Variants in RABGAP1L observed in about 807,000 individuals in gnomAD.
RABGAP1L encodes the protein RAB GTPase activating protein 1 like.
RABGAP1L carries 63 observed loss-of-function variants against 137.7 expected under a neutral mutation model. The observed-to-expected ratio is 0.46, with a 90% confidence interval of 0.37 to 0.56. RABGAP1L has a LOEUF of 0.56. Ranked by LOEUF, RABGAP1L falls within the 20% of genes least tolerant of loss-of-function variation. The pLI, the probability that RABGAP1L is intolerant of heterozygous loss-of-function variation, is 0.00. For missense variants in RABGAP1L, 1,095 were observed against 1,244.0 expected (o/e 0.88, Z 1.80); for synonymous variants, 431 against 433.7 (o/e 0.99, Z 0.08).
Position 174,958,439 on chromosome 1 carries a change from A to G in RABGAP1L, c.2433+890A>G, listed in dbSNP as rs559876696. Among the ~76,000 whole-genome samples, 3 of 152,352 alleles carry G rather than the reference A, an allele frequency of 2.0e-5. No homozygotes were observed. The South Asian group carries it at 6.2e-4, about 32-fold the overall frequency. On this transcript the variant is annotated intron_variant, in intron 20 of 25. Transcript: ENST00000681986. ...ATGCTTTAACTTTTCAGACTCACACAGATACGTAACAGCTCCTTCTCCCTC... is the reference window on the plus strand; with the variant it reads ...ATGCTTTAACTTTTCAGACTCACACGGATACGTAACAGCTCCTTCTCCCTC...
At chr1:174,598,620 C>T (rs1670167502) in intron 13 of RABGAP1L, among the ~76,000 whole-genome samples, 1 of 152,042 alleles carries the variant, frequency 6.6e-6, no homozygotes, top group Non-Finnish European at 1.5e-5. Context: ...AACTATTTAT[C>T]CTTTTGTCGA....
chr1:174,975,576 C>T (rs1670572263), intron 21 of RABGAP1L, among the ~76,000 whole-genome samples: 1 of 152,102 alleles, frequency 6.6e-6, no homozygotes, highest in African/African-American at 2.4e-5. Flanking sequence ...TTGAATTTGC[C>T]ACCTAACTGT....
At chr1:174,407,432 T>G (rs540627543) in intron 13 of RABGAP1L, among the ~76,000 whole-genome samples, 2 of 152,106 alleles carry the variant, frequency 1.3e-5, no homozygotes, top group African/African-American at 4.8e-5. Flanking sequence ...CTCAAGGCAG[T>G]TGAAAAATTG....
chr1:174,467,493 G>A (rs1657434395), intron 13 of RABGAP1L, among the ~76,000 whole-genome samples: 1 of 151,934 alleles, frequency 6.6e-6, no homozygotes, highest in African/African-American at 2.4e-5. Flanking sequence ...GTCTTTGTTA[G>A]ACAAAGAGTA....
At chr1:174,744,317 A>G (rs1364939796) in intron 17 of RABGAP1L, among the ~76,000 whole-genome samples, 1 of 151,858 alleles carries the variant, frequency 6.6e-6, no homozygotes, top group Non-Finnish European at 1.5e-5. Context: ...CTTGCTGTAG[A>G]ACCTGTATTT....
At chr1:174,880,038 A>G (rs1421763089) in intron 19 of RABGAP1L, among the ~76,000 whole-genome samples, 2 of 148,614 alleles carry the variant, frequency 1.3e-5, no homozygotes, top group African/African-American at 2.5e-5. Flanking sequence ...TGTCACGGTG[A>G]GCTGAGACAG....
chr1:174,639,052 C>T (rs1307657382), intron 14 of RABGAP1L, among the ~76,000 whole-genome samples: 1 of 150,016 alleles, frequency 6.7e-6, no homozygotes, highest in East Asian at 1.9e-4. Context: ...AAAAAAAAAG[C>T]ACTCACCTAC....
chr1:174,720,330 G>A (rs187312795), intron 17 of RABGAP1L, among the ~76,000 whole-genome samples: 11 of 150,692 alleles, frequency 7.3e-5, no homozygotes, highest in African/African-American at 1.7e-4. Flanking sequence ...TTGAGACAGG[G>A]TCTGGCTCTG....
chr1:174,732,483 T>C (rs1469904303), intron 17 of RABGAP1L, among the ~76,000 whole-genome samples: 1 of 152,172 alleles, frequency 6.6e-6, no homozygotes, highest in Non-Finnish European at 1.5e-5. Context: ...TATAAGAGTC[T>C]TGAAGATAGT....
At chr1:174,719,096 C>T (rs1221794681) in intron 17 of RABGAP1L, among the ~76,000 whole-genome samples, 1 of 152,120 alleles carries the variant, frequency 6.6e-6, no homozygotes, top group Non-Finnish European at 1.5e-5. Context: ...GCCTCAGCTT[C>T]CCAAAGTGCT....
intron 10 of RABGAP1L, among the ~76,000 whole-genome samples, chr1:174,284,608 T>C (rs1416800555): frequency 6.6e-6 from 1 of 152,192 alleles, no homozygotes; most frequent in African/African-American, 2.4e-5. Flanking sequence ...AGCTAGATCA[T>C]GTGGTAGCTC....
chr1:174,690,382 G>A (rs1244936434), intron 15 of RABGAP1L, among the ~76,000 whole-genome samples: 1 of 152,046 alleles, frequency 6.6e-6, no homozygotes, highest in Non-Finnish European at 1.5e-5. Context: ...TTACTTAATA[G>A]ACCTATAGTT....
At chr1:174,430,948 G>C (rs1264349921) in intron 13 of RABGAP1L, among the ~76,000 whole-genome samples, 3 of 152,024 alleles carry the variant, frequency 2.0e-5, no homozygotes, top group African/African-American at 7.3e-5. Context: ...ATACTTCATG[G>C]CTTTTTAAAA....
chr1:174,335,075 C>T (rs1276631869), intron 11 of RABGAP1L, among the ~76,000 whole-genome samples: 1 of 151,872 alleles, frequency 6.6e-6, no homozygotes, highest in Admixed American at 6.6e-5. Flanking sequence ...ATGTATTAGC[C>T]ATCACCTATA....
At chr1:174,686,648 C>CTTT (rs533716511) in intron 15 of RABGAP1L, among the ~76,000 whole-genome samples, 1,744 of 105,792 alleles carry the variant, frequency 0.016, 333 homozygotes, top group East Asian at 0.074. Context: ...ACAAAGCAAT[C>CTTT]TTTTTTTTTT....
At chr1:174,383,112 G>A (rs1441848228) in intron 12 of RABGAP1L, among the ~76,000 whole-genome samples, 1 of 151,092 alleles carries the variant, frequency 6.6e-6, no homozygotes, top group Non-Finnish European at 1.5e-5. Flanking sequence ...GGGGGTCAGG[G>A]GTCAGGGACC....
chr1:174,518,635 T>G (rs1663082062), intron 13 of RABGAP1L, among the ~76,000 whole-genome samples: 1 of 152,214 alleles, frequency 6.6e-6, no homozygotes, highest in East Asian at 1.9e-4. Context: ...ACAGCCATGT[T>G]GTACAGTTCA....
At chr1:174,359,370 T>G (rs866361159) in intron 11 of RABGAP1L, among the ~76,000 whole-genome samples, 5 of 152,232 alleles carry the variant, frequency 3.3e-5, no homozygotes, top group Admixed American at 6.5e-5. Context: ...TGCCAAGTGT[T>G]TAAAACACTC....
intron 13 of RABGAP1L, among the ~76,000 whole-genome samples, chr1:174,529,015 A>G (rs1664163869): frequency 7.1e-6 from 1 of 140,834 alleles, no homozygotes; most frequent in South Asian, 2.2e-4. Flanking sequence ...AATGATATCT[A>G]TCTCTTTGGT....
Sources: allele counts gnomAD v4.1 joint callset (sites outside exome capture counted in the v4.1 genomes callset), GRCh38; gene constraint gnomAD v4.1.1; transcripts MANE v1.5; gene names NCBI Gene and HGNC (gene_info 2026-07-23, HGNC 2026-07-21).